RANBP17: variants seen among roughly 807,000 people sequenced by gnomAD.
The protein encoded by RANBP17 is RAN binding protein 17.
RANBP17 carries 158 observed loss-of-function variants against 141.2 expected under a neutral mutation model. That is an observed-to-expected ratio of 1.12 (90% CI 0.98 to 1.28). The LOEUF (loss-of-function observed/expected upper bound fraction) is 1.28, where lower values mean the gene tolerates loss of function less well. Ranked by LOEUF, RANBP17 falls within the 50% of genes most tolerant of loss-of-function variation. RANBP17 has a pLI of 0.00. For missense variants in RANBP17, 1,438 were observed against 1,290.7 expected, an observed-to-expected ratio of 1.11 and a Z score of -1.75; for synonymous variants, 430 against 450.0, an observed-to-expected ratio of 0.96 and a Z score of 0.56.
At chr5:171,174,837 C>A (rs1760337869) in intron 16 of RANBP17, among the ~76,000 whole-genome samples, 1 of 146,840 alleles carries the variant, frequency 6.8e-6, no homozygotes, top group Non-Finnish European at 1.5e-5. Context: ...TTCTGGGATA[C>A]ATGTGCAGAA....
chr5:171,040,195 G>C (rs1255242358), intron 14 of RANBP17, among the ~76,000 whole-genome samples: 1 of 152,094 alleles, frequency 6.6e-6, no homozygotes, highest in East Asian at 1.9e-4. Context: ...CTTCATTCCT[G>C]GGATGCAAGG....
At chr5:170,923,883 C>T (rs559375328) in intron 11 of RANBP17, among the ~76,000 whole-genome samples, 11 of 152,164 alleles carry the variant, frequency 7.2e-5, no homozygotes, top group African/African-American at 2.4e-4. Flanking sequence ...GTTTGAGTAG[C>T]ATTTTTGTGT....
At chr5:171,154,508 G>C (rs1422661688) in intron 14 of RANBP17, among the ~76,000 whole-genome samples, 1 of 152,154 alleles carries the variant, frequency 6.6e-6, no homozygotes, top group Non-Finnish European at 1.5e-5. Flanking sequence ...TTGAACTCCT[G>C]ACCTCAAATG....
In RANBP17 at chr5:170,953,599, C is replaced by T. The variant is rs201086114; in HGVS notation, c.1471C>T (p.Arg491Cys). The T allele has an allele frequency of 8.3e-5, 132 of 1,599,688 alleles. No homozygotes were observed. Among genetic ancestry groups the T allele is most frequent in the South Asian group, 6.7e-5 (6 of 89,938 alleles). Residue 491 changes from arginine to cysteine, a missense_variant and splice_region_variant, in exon 13 of 28, where the codon CGT becomes TGT. Physicochemically the swap from Arg to Cys is radical, Grantham distance 180. Coordinates refer to ENST00000523189, the MANE Select transcript of RANBP17 (RefSeq NM_022897.5). ...VTVDITIQEG[R>C]LAWLVYLVGT... ...TTTTCTTCCTTATTCTATATTAGGA[C>T]GTCTTGCATGGCTGGTATACTTAGT...
At position 170,884,567 on chromosome 5, in the gene RANBP17, G is replaced by A. The variant is rs201223400; in HGVS notation, c.256+2671G>A. Among the ~76,000 whole-genome samples, 17 of 152,042 alleles carry A rather than the reference G, an allele frequency of 1.1e-4. No individual in the cohort carries two copies. In the East Asian group the frequency reaches 3.3e-3, roughly 29 times the overall value. On this transcript the variant is annotated intron_variant, in intron 3 of 27. Coordinates refer to ENST00000523189, the MANE Select transcript of RANBP17 (RefSeq NM_022897.5). ...TGAGTAGGCTGAGGAAGAGAAAGAG[G>A]AGAGGTTGGTCTTGCGGTCTCGGGG...
chr5:171,086,522 A>C (rs1487993188), intron 14 of RANBP17, among the ~76,000 whole-genome samples: 1 of 130,474 alleles, frequency 7.7e-6, no homozygotes, highest in Non-Finnish European at 1.6e-5. Flanking sequence ...TGATTGGAAT[A>C]GTTTCAGAAG....
chr5:170,934,598 A>G (rs561030861), intron 12 of RANBP17, among the ~76,000 whole-genome samples: 1 of 152,332 alleles, frequency 6.6e-6, no homozygotes, highest in Non-Finnish European at 1.5e-5. Context: ...TTCTGGGTTG[A>G]AAATTCTTTT....
At chr5:171,053,612 A>ATTTTTTT (rs1401204526) in intron 14 of RANBP17, among the ~76,000 whole-genome samples, 1 of 151,786 alleles carries the variant, frequency 6.6e-6, no homozygotes, top group East Asian at 1.9e-4. Context: ...GCTGTAGTAG[A>ATTTTTTT]TTTTTTGTAG....
chr5:171,232,843 T>C (rs1035190003), intron 22 of RANBP17, among the ~76,000 whole-genome samples: 9 of 152,248 alleles, frequency 5.9e-5, no homozygotes, highest in African/African-American at 2.2e-4. Context: ...TATTCCATTT[T>C]ATAGTCATAC....
At chr5:171,200,175 A>G (rs1430666725) in intron 19 of RANBP17, among the ~76,000 whole-genome samples, 15 of 152,204 alleles carry the variant, frequency 9.9e-5, no homozygotes, top group Admixed American at 9.8e-4. Flanking sequence ...ATATTTTTTT[A>G]AACAAGAATT....
intron 1 of RANBP17, among the ~76,000 whole-genome samples, chr5:170,866,308 GA>G (rs1256351376): frequency 6.9e-6 from 1 of 144,492 alleles, no homozygotes; most frequent in Admixed American, 6.7e-5. Context: ...AGACTAAGGA[GA>G]GGGGGAAGCA....
At chr5:171,123,895 G>A (rs934155104) in intron 14 of RANBP17, among the ~76,000 whole-genome samples, 1 of 152,152 alleles carries the variant, frequency 6.6e-6, no homozygotes, top group African/African-American at 2.4e-5. Context: ...CCCTGTGGAA[G>A]GTAGTCTATA....
intron 18 of RANBP17, among the ~76,000 whole-genome samples, chr5:171,185,837 G>T (rs1419289472): frequency 6.6e-6 from 1 of 152,204 alleles, no homozygotes; most frequent in Non-Finnish European, 1.5e-5. Context: ...GTGGTATCCA[G>T]AATGGTGAGT....
At chr5:170,975,482 C>T (rs1422123405) in intron 14 of RANBP17, among the ~76,000 whole-genome samples, 7 of 152,260 alleles carry the variant, frequency 4.6e-5, no homozygotes, top group Middle Eastern at 3.4e-3. Context: ...GCCGAGATTG[C>T]GCCACTGCAC....
chr5:171,076,990 G>A (rs543940919), intron 14 of RANBP17, among the ~76,000 whole-genome samples: 3 of 152,262 alleles, frequency 2.0e-5, no homozygotes, highest in Admixed American at 1.3e-4. Flanking sequence ...AATCTTTAAT[G>A]AAATAATGAT....
intron 14 of RANBP17, among the ~76,000 whole-genome samples, chr5:171,152,430 A>G (rs1415812755): frequency 2.5e-4 from 38 of 150,714 alleles, no homozygotes; most frequent in African/African-American, 3.9e-4. Context: ...AAAAAAAAAA[A>G]GGGCCCCAAA....
intron 25 of RANBP17, among the ~76,000 whole-genome samples, chr5:171,293,169 T>G (rs1768606876): frequency 6.6e-6 from 1 of 152,214 alleles, no homozygotes; most frequent in South Asian, 2.1e-4. Context: ...GCATGCCCAC[T>G]GCACTTTGCC....
chr5:170,960,872 G>C (rs1388469841), intron 13 of RANBP17, among the ~76,000 whole-genome samples: 1 of 152,084 alleles, frequency 6.6e-6, no homozygotes, highest in Non-Finnish European at 1.5e-5. Context: ...TTATACAGCT[G>C]AGTAGCTGGG....
At chr5:171,092,286 A>G (rs1002862232) in intron 14 of RANBP17, among the ~76,000 whole-genome samples, 1 of 152,214 alleles carries the variant, frequency 6.6e-6, no homozygotes, top group Admixed American at 6.5e-5. Context: ...AATATATTGA[A>G]TGATACTTCA....
Sources: gnomAD v4.1 joint callset for allele counts (sites outside exome capture counted in the v4.1 genomes callset) on GRCh38, gnomAD v4.1.1 for gene constraint, MANE v1.5 for transcripts, NCBI Gene and HGNC (gene_info 2026-07-23, HGNC 2026-07-21) for gene names.